Variants in RNF182 observed in about 807,000 individuals in gnomAD.
The protein encoded by RNF182 is ring finger protein 182.
A neutral mutation model predicts 14.4 loss-of-function variants in RNF182; 15 were observed. That is an observed-to-expected ratio of 1.04 (90% CI 0.70 to 1.60). RNF182 has a LOEUF of 1.60. Ranked by LOEUF, RNF182 falls within the 40% of genes most tolerant of loss-of-function variation. The probability of loss-of-function intolerance (pLI) is 0.00; values close to 1 mark genes in which losing one functional copy is unlikely to be tolerated. For missense variants in RNF182, 268 were observed against 294.8 expected, an observed-to-expected ratio of 0.91 and a Z score of 0.67; for synonymous variants, 128 against 122.9, an observed-to-expected ratio of 1.04 and a Z score of -0.27.
chr6:13,924,920 C>G (rs1290358850), upstream of RNF182: 5 of 150,264 alleles, frequency 3.3e-5, no homozygotes, highest in African/African-American at 9.8e-5. Context: ...GCCCGCCAGC[C>G]CGCTAGCTCC....
At chr6:13,975,288 T>C (rs1307958902) in intron 2 of RNF182, among the ~76,000 whole-genome samples, 1 of 152,128 alleles carries the variant, frequency 6.6e-6, no homozygotes, top group East Asian at 1.9e-4. Context: ...TATTTTGCAG[T>C]GACATGGGCA....
At chr6:13,952,759 T>A (rs1267915457) in intron 1 of RNF182, among the ~76,000 whole-genome samples, 2 of 151,988 alleles carry the variant, frequency 1.3e-5, no homozygotes, top group Admixed American at 6.6e-5. Context: ...AGCAAGTTCA[T>A]GAAGAAAGTA....
intron 1 of RNF182, among the ~76,000 whole-genome samples, chr6:13,957,561 G>C (rs568970552): frequency 1.3e-5 from 2 of 152,314 alleles, no homozygotes; most frequent in East Asian, 3.9e-4. Flanking sequence ...ACAGAAATCT[G>C]CTTCATCTCA....
intron 1 of RNF182, among the ~76,000 whole-genome samples, chr6:13,934,037 A>G (rs946905292): frequency 6.6e-5 from 10 of 152,076 alleles, no homozygotes; most frequent in African/African-American, 2.4e-4. Flanking sequence ...AAAAAAAATT[A>G]AAAAAAAGAA....
chr6:13,969,975 G>A (rs894614236), intron 1 of RNF182, among the ~76,000 whole-genome samples: 1 of 151,912 alleles, frequency 6.6e-6, no homozygotes, highest in Non-Finnish European at 1.5e-5. Flanking sequence ...TTCTTATCAA[G>A]GCATGCTACA....
At chr6:13,971,169 T>A (rs960398750) in intron 1 of RNF182, among the ~76,000 whole-genome samples, 5 of 152,156 alleles carry the variant, frequency 3.3e-5, no homozygotes, top group Non-Finnish European at 7.3e-5. Context: ...CACCTTGAAC[T>A]GTAATAATTC....
intron 1 of RNF182, among the ~76,000 whole-genome samples, chr6:13,941,254 C>G (rs969690408): frequency 6.6e-5 from 10 of 152,026 alleles, no homozygotes; most frequent in African/African-American, 2.4e-4. Context: ...TGGATATATA[C>G]AAACTTATAA....
At chr6:13,938,530 A>C (rs1381469975) in intron 1 of RNF182, among the ~76,000 whole-genome samples, 1 of 152,110 alleles carries the variant, frequency 6.6e-6, no homozygotes, top group East Asian at 1.9e-4. Context: ...GCCTGCTCCA[A>C]TATCATGAAG....
At chr6:13,961,174 A>G (rs1001168490) in intron 1 of RNF182, among the ~76,000 whole-genome samples, 7 of 152,216 alleles carry the variant, frequency 4.6e-5, no homozygotes, top group African/African-American at 1.7e-4. Context: ...TACTTGCTGT[A>G]CTTACTATCT....
intron 1 of RNF182, among the ~76,000 whole-genome samples, chr6:13,950,731 A>G (rs145741586): frequency 0.014 from 2,174 of 151,914 alleles, 23 homozygotes; most frequent in Non-Finnish European, 0.021. Flanking sequence ...TCCTGATCTC[A>G]GGTAATCTGC....
rs1365894441 is a variant in RNF182, at chr6:13,976,943, G to GAC, written c.-175_-174dup. On this transcript the variant is annotated 5_prime_UTR_variant, in exon 3 of 3. The change creates a premature stop within an existing upstream ORF in the 5' untranslated region. Transcript: ENST00000488300. The stretch of plus-strand genomic sequence containing the variant: ...GTGGCCTTTATAAATATGCGTTTGA[G>GAC]ACAGAGTTATATGCAGAAGTTGAAA... The GAC allele has an allele frequency of 3.0e-6, 2 of 673,850 alleles. No individual in the cohort carries two copies. Among genetic ancestry groups the GAC allele is most frequent in the East Asian group, 5.0e-5 (2 of 40,024 alleles). 41.7% of individuals were successfully genotyped at this position (673,850 alleles called of 1,614,324 possible).
intron 1 of RNF182, among the ~76,000 whole-genome samples, chr6:13,960,689 G>GCGCA (rs1759852497): frequency 1.1e-5 from 1 of 88,180 alleles, no homozygotes; most frequent in South Asian, 4.3e-4. Flanking sequence ...GTGTGTGTGT[G>GCGCA]TGTGCGCGCG....
Position 13,980,241 on chromosome 6 carries a change from A to ATTTTATTTTATTTTAT in RNF182, c.*2381_*2382insTATTTTATTTTATTTT, listed in dbSNP as rs145959228. The ATTTTATTTTATTTTAT allele has an allele frequency of 2.7e-5, 3 of 110,560 alleles. No homozygotes were observed. The highest frequency in any genetic ancestry group is 9.4e-5 in the Admixed American group (1 of 10,590). 6.8% of individuals were successfully genotyped at this position (110,560 alleles called of 1,614,324 possible). On this transcript the variant is annotated 3_prime_UTR_variant, in exon 3 of 3. Coordinates refer to ENST00000488300, the MANE Select transcript of RNF182 (RefSeq NM_152737.4). ...ATTTTATTTTATTTTATTTTATTTT[A>ATTTTATTTTATTTTAT]TTTATTTATTTTAAAGCAGGGGAGA...
In RNF182 at chr6:13,979,857, T is replaced by C. The variant is rs1361956136; in HGVS notation, c.*1994T>C. On this transcript the variant is annotated 3_prime_UTR_variant, in exon 3 of 3. Transcript: ENST00000488300. ...GTGTCTCCGTGTATTGTGGCAGTCT[T>C]TTTTTCTAGTTAATTTGGCTTTAGA... The C allele has an allele frequency of 6.0e-6, 1 of 167,072 alleles. No individual in the cohort carries two copies. Among genetic ancestry groups the C allele is most frequent in the Admixed American group, 6.5e-5 (1 of 15,280 alleles). The allele number at this position is 167,072 out of a possible 1,614,324, so 10.3% of individuals were successfully genotyped here.
At chr6:13,929,849 C>A (rs1758921470) in intron 1 of RNF182, among the ~76,000 whole-genome samples, 1 of 152,114 alleles carries the variant, frequency 6.6e-6, no homozygotes, top group South Asian at 2.1e-4. Flanking sequence ...GGCTTTCCTC[C>A]CCCATCTTAT....
intron 1 of RNF182, among the ~76,000 whole-genome samples, chr6:13,941,965 T>A (rs1320844874): frequency 1.3e-5 from 2 of 152,202 alleles, no homozygotes; most frequent in East Asian, 3.8e-4. Context: ...GTGTTTCCCT[T>A]TGGGATTATT....
intron 1 of RNF182, among the ~76,000 whole-genome samples, chr6:13,948,246 G>A (rs1759487352): frequency 6.6e-6 from 1 of 152,086 alleles, no homozygotes; most frequent in Admixed American, 6.5e-5. Flanking sequence ...AAGAGTACTT[G>A]TCAGAGTCCT....
At chr6:13,971,433 ATTAC>A (rs1760180516) in intron 1 of RNF182, among the ~76,000 whole-genome samples, 2 of 152,242 alleles carry the variant, frequency 1.3e-5, no homozygotes, top group South Asian at 2.1e-4. Context: ...TTCTTTATAA[ATTAC>A]TTAGTCTTGG....
intron 1 of RNF182, among the ~76,000 whole-genome samples, chr6:13,969,398 C>T (rs1289200767): frequency 6.6e-6 from 1 of 152,018 alleles, no homozygotes; most frequent in East Asian, 1.9e-4. Flanking sequence ...ATCAGCCAGG[C>T]CTGGTCCCAA....
Sources: gnomAD v4.1 joint callset for allele counts (sites outside exome capture counted in the v4.1 genomes callset) on GRCh38, gnomAD v4.1.1 for gene constraint, MANE v1.5 for transcripts, NCBI Gene and HGNC (gene_info 2026-07-23, HGNC 2026-07-21) for gene names.